The following WNK2 variants were observed in gnomAD, a reference collection of about 807,000 sequenced individuals.
The protein encoded by WNK2 is WNK lysine deficient protein kinase 2.
Under a neutral mutation model 192.1 loss-of-function variants are expected in WNK2, and 67 were observed. The observed-to-expected ratio is 0.35, with a 90% CI of 0.29 to 0.43. WNK2 has a LOEUF of 0.43. Among genes scored for constraint, WNK2 ranks in the 20% least tolerant of loss-of-function variants. The pLI is 1.00. For synonymous variants in WNK2, 1,439 were observed against 1,393.9 expected (o/e 1.03, Z -0.72); for missense variants, 2,698 against 3,089.7 (o/e 0.87, Z 3.01).
chr9:93,263,814 G>C, intron 15 of WNK2, 80 bp downstream of exon 15: 1 of 496,210 alleles, frequency 2.0e-6, no homozygotes, highest in East Asian at 3.7e-5. Flanking sequence ...CCGTGGCGGG[G>C]GTGTGGTGGG....
At chr9:93,308,186 G>T in intron 27 of WNK2, 142 bp from the exon 28 acceptor site, 2 of 1,433,028 alleles carry the variant, frequency 1.4e-6, no homozygotes, top group Non-Finnish European at 1.8e-6. Flanking sequence ...CCCTTAATCC[G>T]ACCGCCTCTT....
At chr9:93,226,847 G>A (rs372970300) in intron 2 of WNK2, among the ~76,000 whole-genome samples, 2 of 152,072 alleles carry the variant, frequency 1.3e-5, no homozygotes, top group South Asian at 2.1e-4. Flanking sequence ...GGATGGGTGC[G>A]GCATGGTTCA....
intron 2 of WNK2, among the ~76,000 whole-genome samples, chr9:93,189,853 C>T (rs369630078): frequency 7.9e-5 from 12 of 152,314 alleles, no homozygotes; most frequent in Middle Eastern, 3.4e-3. Flanking sequence ...GTTAGAGGCC[C>T]GGCTGCCAGC....
chr9:93,212,062 T>C (rs1834892345), intron 2 of WNK2, among the ~76,000 whole-genome samples: 1 of 152,240 alleles, frequency 6.6e-6, no homozygotes, highest in South Asian at 2.1e-4. Flanking sequence ...TGCTCACCAT[T>C]CAGTTATTCA....
rs551820034 is a variant in WNK2 at position 93,288,140 on chromosome 9, C to G, written c.4034-648C>G. 5.0e-4 allele frequency among the ~76,000 whole-genome samples: 76 copies of G among 152,310 alleles called. 1 individual carries two copies. Among genetic ancestry groups the G allele is most frequent in the Middle Eastern group, 6.8e-3 (2 of 294 alleles). On this transcript the variant is annotated intron_variant, in intron 19 of 29. Transcript: ENST00000427277. ...ACCGTCCTGCCACCTCTCAGATGCC[C>G]GCAGTCCCTGTGAGCCTGGTGGAGG...
At chr9:93,310,988 G>C (rs1853546967) in intron 28 of WNK2, among the ~76,000 whole-genome samples, 1 of 152,102 alleles carries the variant, frequency 6.6e-6, no homozygotes, top group South Asian at 2.1e-4. Flanking sequence ...TCAGAATACT[G>C]TGCAGCCACC....
chr9:93,244,614 C>G (rs541661758), intron 7 of WNK2, among the ~76,000 whole-genome samples: 5 of 152,294 alleles, frequency 3.3e-5, no homozygotes, highest in African/African-American at 1.2e-4. Context: ...GGTCACGTAT[C>G]TGGGCCGAGG....
At chr9:93,258,165 T>G (rs1215537317) in intron 11 of WNK2, among the ~76,000 whole-genome samples, 1 of 152,228 alleles carries the variant, frequency 6.6e-6, no homozygotes, top group African/African-American at 2.4e-5. Flanking sequence ...GCCTCTTGAT[T>G]ACATGGAGGT....
Position 93,238,217 on chromosome 9 carries a change from G to GCTCT in WNK2, c.1234-12_1234-9dup. 6.2e-7 allele frequency: 1 copy of GCTCT among 1,613,584 alleles called. No homozygotes were observed. Among genetic ancestry groups the GCTCT allele is most frequent in the South Asian group, 1.1e-5 (1 of 91,050 alleles). ...GCAGCCGATCGGGTCAGGTAACTCT[G>GCTCT]CTCTCTCCCTGTCAGGGTATCAAGC... On this transcript the variant is annotated splice_polypyrimidine_tract_variant and intron_variant, in intron 5 of 29. Coordinates refer to ENST00000427277, the MANE Select transcript of WNK2 (RefSeq NM_006648.4).
At chr9:93,241,465 A>G (rs543718816) in intron 7 of WNK2, among the ~76,000 whole-genome samples, 7 of 152,284 alleles carry the variant, frequency 4.6e-5, no homozygotes, top group African/African-American at 1.7e-4. Context: ...TTTTTACTGA[A>G]TACATCACGT....
In WNK2 at chr9:93,230,871, C is replaced by CG; in HGVS notation, c.855-17_855-16insG. On this transcript the variant is annotated splice_polypyrimidine_tract_variant and intron_variant, in intron 3 of 29. Coordinates refer to ENST00000427277, the MANE Select transcript of WNK2 (RefSeq NM_006648.4). ...CCGGCGAGCTGCTTGGTGAGCTGTG[C>CG]CCGTGAACCCCTGCAGATACCTGAA... The CG allele has an allele frequency of 1.9e-6, 3 of 1,607,550 alleles. No individual in the cohort carries two copies. The highest frequency in any genetic ancestry group is 1.7e-5 in the Admixed American group (1 of 59,450).
Position 93,239,721 on chromosome 9 carries a change from G to C in WNK2, c.1323-36G>C. ...GGAGCCTGGGCATGGAGGCCCTGGC[G>C]CCCGTGCCCCTGCCTGTCAGCTGCT... is the stretch of plus-strand genomic sequence containing the variant. On this transcript the variant is annotated intron_variant, in intron 6 of 29. Transcript: ENST00000427277. This position sits in a 1 kb window ranked among gnomAD's most constrained non-coding sequence, Gnocchi z 4.2. 1 of 1,528,062 alleles carries C rather than the reference G, an allele frequency of 6.5e-7. No homozygotes were observed. Among genetic ancestry groups the C allele is most frequent in the Non-Finnish European group, 8.8e-7 (1 of 1,130,106 alleles). 94.7% of individuals were successfully genotyped at this position (1,528,062 alleles called of 1,614,324 possible).
Position 93,292,850 on chromosome 9 carries a change from C to T in WNK2, c.5385C>T (p.Ser1795=), listed in dbSNP as rs2133884154. ...CAGTGCGGCGGGCGCAGACGGCCTC[C>T]TCCATCGAGGTCGGCGTGGGCGAGC... The part of the protein sequence containing the change: ...KLAVRRAQTA[S]SIEVGVGEPV... Residue 1795 remains serine (S), a synonymous_variant, in exon 23 of 30, where the codon TCC becomes TCT. Coordinates refer to ENST00000427277, the MANE Select transcript of WNK2 (RefSeq NM_006648.4). The T allele has an allele frequency of 2.0e-6, 3 of 1,496,372 alleles. No homozygotes were observed. The highest frequency in any genetic ancestry group is 1.8e-4 in the Middle Eastern group (1 of 5,678). The allele number at this position is 1,496,372 out of a possible 1,614,324, so 92.7% of individuals were successfully genotyped here. A position where few individuals can be genotyped will look rare whatever the true frequency, so the allele number is the denominator to read the frequency against.
intron 2 of WNK2, among the ~76,000 whole-genome samples, chr9:93,197,523 T>G (rs1188904613): frequency 1.3e-5 from 2 of 152,196 alleles, no homozygotes; most frequent in African/African-American, 4.8e-5. Flanking sequence ...CATCTGGATC[T>G]GTGTGGTGTT....
chr9:93,289,976 A>G lies in WNK2; in HGVS notation c.4867-2A>G. On this transcript the variant is annotated splice_acceptor_variant, in intron 20 of 29. Coordinates refer to ENST00000427277, the MANE Select transcript of WNK2 (RefSeq NM_006648.4). LOFTEE classifies it high-confidence loss of function. The stretch of plus-strand genomic sequence containing the variant: ...CTTCTCTTTTTGTGTTTCTTTCTCC[A>G]GGTGGAGAAGTCAGAACTGGCCCCC... The G allele has an allele frequency of 6.4e-7, 1 of 1,566,654 alleles. No individual in the cohort carries two copies. The highest frequency in any genetic ancestry group is 1.9e-5 in the Admixed American group (1 of 53,578).
chr9:93,247,508 C>T lies in WNK2; in HGVS notation c.1543-35C>T, dbSNP rs555748028. The T allele has an allele frequency of 1.3e-6, 2 of 1,595,356 alleles. No individual in the cohort carries two copies. The highest frequency in any genetic ancestry group is 1.7e-5 in the Admixed American group (1 of 57,770). ...GGGGTGTGGGCCGGTGAGGGCTGAT[C>T]CCCAGCGATGCTGACAACATGACTG... On this transcript the variant is annotated intron_variant, in intron 7 of 29. Transcript: ENST00000427277. This position sits in a 1 kb window ranked among gnomAD's most constrained non-coding sequence, Gnocchi z 5.2.
At chr9:93,291,492 A>T (rs909163599) in intron 21 of WNK2, among the ~76,000 whole-genome samples, 3 of 152,174 alleles carry the variant, frequency 2.0e-5, no homozygotes, top group Admixed American at 2.0e-4. Context: ...GAAGGTGGGC[A>T]TGGAGATATG....
rs1831083404 is a variant in WNK2, at chr9:93,195,549, A to G, written c.681+9939A>G. 2.0e-5 allele frequency among the ~76,000 whole-genome samples: 3 copies of G among 151,954 alleles called. No individual in the cohort carries two copies. The South Asian group carries it at 6.2e-4, about 32-fold the overall frequency. The stretch of plus-strand genomic sequence containing the variant: ...ACCTGTCTCTACTAAAAATACAAAA[A>G]TTAGCTGGGCGTGGTGGCGGGCGCC... On this transcript the variant is annotated intron_variant, in intron 2 of 29. Transcript: ENST00000427277.
intron 24 of WNK2, among the ~76,000 whole-genome samples, 154 bp downstream of exon 24, chr9:93,298,221 G>A (rs973897206): frequency 6.6e-6 from 1 of 152,226 alleles, no homozygotes; most frequent in Admixed American, 6.5e-5. Flanking sequence ...GAGCAGGGGA[G>A]TCATTGCAGC....
Sources: allele counts gnomAD v4.1 joint callset (sites outside exome capture counted in the v4.1 genomes callset), GRCh38; gene constraint gnomAD v4.1.1; non-coding constraint Gnocchi (gnomAD v3.1); transcripts MANE v1.5; gene names NCBI Gene and HGNC (gene_info 2026-07-23, HGNC 2026-07-21).